NR2C1: variants seen among roughly 807,000 people sequenced by gnomAD.
NR2C1 encodes TR2 nuclear hormone receptor.
Under a neutral mutation model 74.8 loss-of-function variants are expected in NR2C1, and 33 were observed. The ratio of observed to expected loss-of-function variants is 0.44; its 90% confidence interval spans 0.33 to 0.59. The LOEUF (loss-of-function observed/expected upper bound fraction) is 0.59. Ranked by LOEUF, NR2C1 falls within the 20% of genes least tolerant of loss-of-function variation. The pLI, the probability that NR2C1 is intolerant of heterozygous loss-of-function variation, is 0.02. For synonymous variants in NR2C1, 225 were observed against 240.6 expected (o/e 0.94, Z 0.60); for missense variants, 568 against 715.6 (o/e 0.79, Z 2.35).
Position 95,065,331 on chromosome 12 carries a change from C to T in NR2C1, c.54+2000G>A, listed in dbSNP as rs554693338. Among the ~76,000 whole-genome samples the T allele has an allele frequency of 3.3e-5, 5 of 152,014 alleles. 1 individual carries two copies. The highest frequency in any genetic ancestry group is 4.2e-4 in the South Asian group (2 of 4,802). ...CTGAGTAGCTGGGATTACAGGCGCC[C>T]GCCACCCCACCTGTCTAATTTTTTG... On this transcript the variant is annotated intron_variant, in intron 2 of 13. Transcript: ENST00000333003.
intron 1 of NR2C1, among the ~76,000 whole-genome samples, chr12:95,068,984 A>T (rs567805471): frequency 6.6e-6 from 1 of 152,048 alleles, no homozygotes; most frequent in Non-Finnish European, 1.5e-5. Context: ...AAAGAAAAAG[A>T]AAAACTACAT....
chr12:95,058,111 C>T (rs565166075), intron 5 of NR2C1, 199 bp downstream of exon 5: 183 of 654,370 alleles, frequency 2.8e-4, no homozygotes, highest in Middle Eastern at 1.3e-3. Context: ...ACTACAAATA[C>T]GTGCTTTTTA....
At chr12:95,026,999 A>C (rs1362517060) in intron 12 of NR2C1, 1 of 152,172 alleles carries the variant, frequency 6.6e-6, no homozygotes, top group Non-Finnish European at 1.5e-5. Flanking sequence ...AAAAAAATAC[A>C]CCTAAGAATT....
intron 12 of NR2C1, 171 bp downstream of exon 12, chr12:95,028,216 G>T (rs935987763): frequency 3.6e-6 from 2 of 559,116 alleles, no homozygotes; most frequent in Non-Finnish European, 6.2e-6. Context: ...GCTGACAAGA[G>T]TGAAGCTGCT....
At chr12:95,064,646 T>TG (rs998542643) in intron 2 of NR2C1, among the ~76,000 whole-genome samples, 4 of 152,122 alleles carry the variant, frequency 2.6e-5, no homozygotes, top group African/African-American at 2.4e-5. Flanking sequence ...ATCTGCCATC[T>TG]GGGGGGGAGG....
chr12:95,040,080 A>T (rs1482484391), intron 10 of NR2C1, among the ~76,000 whole-genome samples: 1 of 152,136 alleles, frequency 6.6e-6, no homozygotes, highest in Non-Finnish European at 1.5e-5. Flanking sequence ...ACTGTAGGCA[A>T]AATTCAGCTC....
At chr12:95,039,751 C>T (rs1011280264) in intron 10 of NR2C1, among the ~76,000 whole-genome samples, 1 of 152,202 alleles carries the variant, frequency 6.6e-6, no homozygotes, top group African/African-American at 2.4e-5. Context: ...CCCCCCTTAG[C>T]CTCTAGAGTA....
At chr12:95,038,764 T>G (rs1057055042) in intron 10 of NR2C1, among the ~76,000 whole-genome samples, 5 of 152,140 alleles carry the variant, frequency 3.3e-5, no homozygotes, top group African/African-American at 1.2e-4. Flanking sequence ...TGGTCGATAA[T>G]AGACTAATTG....
intron 4 of NR2C1, among the ~76,000 whole-genome samples, chr12:95,059,298 T>C (rs943619479): frequency 1.6e-5 from 2 of 128,912 alleles, no homozygotes; most frequent in Admixed American, 1.5e-4. Context: ...CAAGACTCCA[T>C]CTCAAAAAAA....
chr12:95,033,758 T>C (rs11835623), intron 10 of NR2C1, among the ~76,000 whole-genome samples: 2,342 of 152,216 alleles, frequency 0.015, 68 homozygotes, highest in African/African-American at 0.054. Flanking sequence ...CCTTGCGCAT[T>C]TCTGTATCTC....
intron 9 of NR2C1, among the ~76,000 whole-genome samples, chr12:95,042,224 T>G (rs1005644572): frequency 3.3e-5 from 5 of 149,910 alleles, no homozygotes; most frequent in Non-Finnish European, 3.0e-5. Context: ...GGTATCTTTT[T>G]TTTTTTTTTT....
chr12:95,057,252 G>A (rs1274936507), intron 7 of NR2C1, among the ~76,000 whole-genome samples: 1 of 151,510 alleles, frequency 6.6e-6, no homozygotes, highest in African/African-American at 2.4e-5. Flanking sequence ...TTACAGGCAT[G>A]CGCCACCACG....
intron 2 of NR2C1, among the ~76,000 whole-genome samples, chr12:95,065,520 G>A (rs1209752908): frequency 1.3e-5 from 2 of 151,616 alleles, no homozygotes; most frequent in Non-Finnish European, 2.9e-5. Flanking sequence ...TTATCTTTGG[G>A]GTACGTGAGA....
chr12:95,072,937 A>G (rs1249301112), intron 1 of NR2C1: 1 of 152,196 alleles, frequency 6.6e-6, no homozygotes, highest in Non-Finnish European at 1.5e-5. Flanking sequence ...CCACTAGCCG[A>G]GGGTCGGCCT....
chr12:95,071,919 T>G (rs1876695704), intron 1 of NR2C1, among the ~76,000 whole-genome samples: 2 of 151,256 alleles, frequency 1.3e-5, no homozygotes, highest in South Asian at 4.2e-4. Context: ...CGACTAATTT[T>G]GTATTTTTAG....
At chr12:95,051,023 ATCT>A (rs1439175632) in intron 8 of NR2C1, among the ~76,000 whole-genome samples, 3 of 152,314 alleles carry the variant, frequency 2.0e-5, no homozygotes, top group East Asian at 1.9e-4. Flanking sequence ...CACATTTCTA[ATCT>A]TCTAATATTC....
At chr12:95,073,301 G>C (rs942002686) in intron 1 of NR2C1, 79 bp downstream of exon 1, 2 of 152,270 alleles carry the variant, frequency 1.3e-5, no homozygotes, top group African/African-American at 4.8e-5. Context: ...GACCGCGTCC[G>C]TTGGCGGTTG....
At chr12:95,058,202 A>G in intron 5 of NR2C1, 108 bp downstream of exon 5, 1 of 1,000,684 alleles carries the variant, frequency 1.0e-6, no homozygotes, top group Non-Finnish European at 1.4e-6. Flanking sequence ...TAGTTGGAAA[A>G]CTGTAAACTA....
chr12:95,055,098 A>G (rs1192813648), intron 7 of NR2C1, among the ~76,000 whole-genome samples: 2 of 152,230 alleles, frequency 1.3e-5, no homozygotes, highest in African/African-American at 4.8e-5. Context: ...ACAGGATCCC[A>G]AGGCAGAAGA....
Sources: allele counts gnomAD v4.1 joint callset (sites outside exome capture counted in the v4.1 genomes callset), GRCh38; gene constraint gnomAD v4.1.1; transcripts MANE v1.5; gene names NCBI Gene and HGNC (gene_info 2026-07-23, HGNC 2026-07-21).